TUBB8B: variants seen among roughly 807,000 people sequenced by gnomAD.
TUBB8B encodes HSA18p11 beta-tubulin 4Q pseudogene.
Under a neutral mutation model 31.9 loss-of-function variants are expected in TUBB8B, and 26 were observed. The ratio of observed to expected loss-of-function variants is 0.81; its 90% CI spans 0.60 to 1.13. The LOEUF (loss-of-function observed/expected upper bound fraction) is 1.13. Among genes scored for constraint, TUBB8B ranks in the 50% most tolerant of loss-of-function variants. The pLI, the probability that TUBB8B is intolerant of heterozygous loss-of-function variation, is 0.00. For missense variants in TUBB8B, 467 were observed against 586.7 expected, an observed-to-expected ratio of 0.80 and a Z score of 2.11; for synonymous variants, 173 against 231.0, an observed-to-expected ratio of 0.75 and a Z score of 2.28.
At chr18:66,477 G>A in the TUBB8B span, among the ~76,000 whole-genome samples, 168 of 146,584 alleles carry the variant, frequency 1.1e-3, 1 homozygote, top group African/African-American at 3.7e-3. Context: ...CTTGAGCCCC[G>A]GAGATAGAGG....
At chr18:52,115 G>C (rs1906133300), upstream of TUBB8B, among the ~76,000 whole-genome samples, 1 of 151,878 alleles carries the variant, frequency 6.6e-6, no homozygotes, top group Non-Finnish European at 1.5e-5. Context: ...TTGGTGTGGG[G>C]TCAAAAACCT....
the TUBB8B span, among the ~76,000 whole-genome samples, chr18:71,595 A>AAAG: frequency 6.8e-6 from 1 of 146,486 alleles, no homozygotes; most frequent in Non-Finnish European, 1.5e-5. Flanking sequence ...AAAAAAAAAA[A>AAAG]GCAGCCTGGC....
chr18:71,182 G>A, the TUBB8B span, among the ~76,000 whole-genome samples: 1 of 150,912 alleles, frequency 6.6e-6, no homozygotes, highest in Non-Finnish European at 1.5e-5. Flanking sequence ...AGTGAGCCAC[G>A]ATCACACCAC....
chr18:63,201 C>G, the TUBB8B span, among the ~76,000 whole-genome samples: 1 of 151,108 alleles, frequency 6.6e-6, no homozygotes, highest in South Asian at 2.1e-4. Flanking sequence ...GATGTTCATC[C>G]ATATCTGGGC....
At chr18:73,051 C>G in the TUBB8B span, among the ~76,000 whole-genome samples, 1 of 152,152 alleles carries the variant, frequency 6.6e-6, no homozygotes, top group African/African-American at 2.4e-5. Flanking sequence ...TGCCAGTCCC[C>G]AACATCCCCA....
the TUBB8B span, among the ~76,000 whole-genome samples, chr18:70,317 C>T: frequency 6.6e-6 from 1 of 151,990 alleles, no homozygotes; most frequent in Non-Finnish European, 1.5e-5. Flanking sequence ...CTTGGAGTGA[C>T]CCTTAGAGAT....
upstream of TUBB8B, among the ~76,000 whole-genome samples, chr18:52,528 C>A (rs1163706676): frequency 6.6e-6 from 1 of 150,814 alleles, no homozygotes; most frequent in East Asian, 1.9e-4. Flanking sequence ...TAGGGCCTCT[C>A]ACTTAAGTAA....
the TUBB8B span, among the ~76,000 whole-genome samples, chr18:71,364 A>G: frequency 1.3e-5 from 2 of 151,912 alleles, no homozygotes; most frequent in Admixed American, 1.3e-4. Flanking sequence ...CCTGACCAAC[A>G]TGGTGAAATC....
chr18:62,422 A>AT, the TUBB8B span, among the ~76,000 whole-genome samples: 36,169 of 139,032 alleles, frequency 0.26, 5,256 homozygotes, highest in East Asian at 0.44. Flanking sequence ...TAAATGTTTA[A>AT]TTTTTTTTTT....
chr18:62,113 CTAAAG>C, the TUBB8B span, among the ~76,000 whole-genome samples: 3 of 151,702 alleles, frequency 2.0e-5, no homozygotes, highest in African/African-American at 4.8e-5. Flanking sequence ...ATACATTATT[CTAAAG>C]TAAAGTCTTT....
At chr18:64,003 T>A in the TUBB8B span, among the ~76,000 whole-genome samples, 1 of 143,804 alleles carries the variant, frequency 7.0e-6, no homozygotes, top group African/African-American at 2.6e-5. Flanking sequence ...CCATGACCCC[T>A]AACCACTGAC....
chr18:47,821 C>A lies in TUBB8B; in HGVS notation c.904G>T (p.Ala302Ser). Residue 302 changes from alanine (A) to serine (S), a missense_variant, in exon 4 of 4, where the codon GCC becomes TCC. Physicochemically the swap from Ala to Ser is moderately conservative, Grantham distance 99 (BLOSUM62 1). This residue lies in a region of TUBB8B where 208 missense variants were observed against 206.7 expected (regional missense o/e 1.01). Coordinates refer to ENST00000308911, the MANE Select transcript of TUBB8B (RefSeq NM_001358689.2). ...QMFDAKNMMA[A>S]CDPRHGCYLT... is the part of the protein sequence containing the mutation. Reference sequence around the variant, plus strand: ...TAGCAGCCGTGACGGGGGTCACAGGCAGCCATCATGTTCTTAGCATCAAAC... The same window carrying A: ...TAGCAGCCGTGACGGGGGTCACAGGAAGCCATCATGTTCTTAGCATCAAAC... 1 of 1,611,686 alleles carries A rather than the reference C, an allele frequency of 6.2e-7. No homozygotes were observed.
the TUBB8B span, among the ~76,000 whole-genome samples, chr18:68,950 T>C: frequency 6.6e-6 from 1 of 152,206 alleles, no homozygotes; most frequent in African/African-American, 2.4e-5. Flanking sequence ...GTCTAAGACA[T>C]TGTCCAGCAA....
At chr18:57,825 T>G in the TUBB8B span, among the ~76,000 whole-genome samples, 63 of 151,936 alleles carry the variant, frequency 4.1e-4, no homozygotes, top group African/African-American at 1.5e-3. Context: ...TTATTTGAAG[T>G]AAAGGTGGAG....
the TUBB8B span, among the ~76,000 whole-genome samples, chr18:70,179 GA>G: frequency 2.0e-5 from 3 of 151,594 alleles, no homozygotes; most frequent in African/African-American, 7.3e-5. Context: ...AAAAATAAAA[GA>G]AAGGAGAAAC....
chr18:51,316 T>G (rs1049109690), upstream of TUBB8B, among the ~76,000 whole-genome samples: 2 of 151,904 alleles, frequency 1.3e-5, no homozygotes, highest in African/African-American at 4.8e-5. Context: ...TTATCTTGAA[T>G]TATAGCTCCT....
At chr18:69,761 A>T in the TUBB8B span, among the ~76,000 whole-genome samples, 1 of 152,246 alleles carries the variant, frequency 6.6e-6, no homozygotes, top group Non-Finnish European at 1.5e-5. Flanking sequence ...ATAAACTAAG[A>T]AGTATATTTT....
chr18:52,024 GT>G (rs1213857815), upstream of TUBB8B, among the ~76,000 whole-genome samples: 1 of 151,484 alleles, frequency 6.6e-6, no homozygotes, highest in African/African-American at 2.4e-5. Flanking sequence ...TGGAGGGTCG[GT>G]CTAGCAATAA....
chr18:47,332 G>A lies in TUBB8B; in HGVS notation c.*58C>T, dbSNP rs1183009498. 1.7e-5 allele frequency: 11 copies of A among 630,654 alleles called. 1 individual carries two copies. The highest frequency in any genetic ancestry group is 7.7e-5 in the Admixed American group (3 of 39,068). The allele number at this position is 630,654 out of a possible 1,614,324, so 39.1% of individuals were successfully genotyped here. A position where few individuals can be genotyped will look rare whatever the true frequency, so the allele number is the denominator to read the frequency against. On this transcript the variant is annotated 3_prime_UTR_variant, in exon 4 of 4. Coordinates refer to ENST00000308911, the MANE Select transcript of TUBB8B (RefSeq NM_001358689.2). ...AACAAGCGTATAGTGACACATGGCT[G>A]TCAGAACACAGTAAAGAATCCACAC...
Sources: gnomAD v4.1 joint callset for allele counts (sites outside exome capture counted in the v4.1 genomes callset) on GRCh38, gnomAD v4.1.1 for gene constraint, gnomAD v4.1.1 regional missense constraint, MANE v1.5 for transcripts, NCBI Gene and HGNC (gene_info 2026-07-23, HGNC 2026-07-21) for gene names.